Variants in NTRK3 observed in about 807,000 individuals in gnomAD.
The protein encoded by NTRK3 is NT-3 growth factor receptor.
NTRK3 carries 24 observed loss-of-function variants against 91.7 expected under a neutral mutation model. The observed-to-expected ratio is 0.26, with a 90% CI of 0.19 to 0.37. The LOEUF (loss-of-function observed/expected upper bound fraction) is 0.37. NTRK3 is among the 10% of genes least tolerant of loss of function. NTRK3 has a pLI of 1.00. For synonymous variants in NTRK3, 483 were observed against 404.0 expected (o/e 1.20, Z -2.34); for missense variants, 880 against 1,068.9 (o/e 0.82, Z 2.46).
intron 17 of NTRK3, among the ~76,000 whole-genome samples, chr15:87,913,046 G>GTATC (rs2067209131): frequency 6.8e-6 from 1 of 147,492 alleles, no homozygotes; most frequent in South Asian, 2.2e-4. Flanking sequence ...AGGGAAAGCT[G>GTATC]TATCTAGACT....
chr15:88,128,714 A>G, exon 11 of NTRK3: 1 of 1,614,144 alleles, frequency 6.2e-7, no homozygotes, highest in Non-Finnish European at 8.5e-7. Context: ...GACTTACACA[A>G]GATAAAGTTA....
At chr15:88,112,209 G>A (rs1170807741) in intron 13 of NTRK3, among the ~76,000 whole-genome samples, 3 of 152,152 alleles carry the variant, frequency 2.0e-5, no homozygotes, top group African/African-American at 7.2e-5. Flanking sequence ...CTCAGCCTCT[G>A]GTTTCTGTTT....
intron 14 of NTRK3, among the ~76,000 whole-genome samples, chr15:87,963,608 C>T (rs2072509255): frequency 6.6e-6 from 1 of 152,102 alleles, no homozygotes. Context: ...TGATTTTGCC[C>T]AACTGTAGGC....
At chr15:88,062,064 C>T (rs1251454362) in intron 13 of NTRK3, among the ~76,000 whole-genome samples, 4 of 152,128 alleles carry the variant, frequency 2.6e-5, no homozygotes, top group African/African-American at 7.2e-5. Flanking sequence ...ATTTACGTAG[C>T]GCTTACATTG....
At chr15:88,046,606 G>A (rs141924890) in intron 13 of NTRK3, among the ~76,000 whole-genome samples, 3 of 152,184 alleles carry the variant, frequency 2.0e-5, no homozygotes, top group Non-Finnish European at 4.4e-5. Flanking sequence ...CTTCATCCTT[G>A]TCCCACCCCA....
intron 15 of NTRK3, among the ~76,000 whole-genome samples, chr15:87,937,411 A>G (rs2069399985): frequency 6.6e-6 from 1 of 152,232 alleles, no homozygotes; most frequent in African/African-American, 2.4e-5. Flanking sequence ...AGTGGAAGGA[A>G]AAAGCATAAA....
chr15:88,231,101 C>T (rs948718666), intron 3 of NTRK3, among the ~76,000 whole-genome samples: 2 of 152,218 alleles, frequency 1.3e-5, no homozygotes, highest in Non-Finnish European at 2.9e-5. Context: ...ATTCATCTCT[C>T]ATAACCACCA....
chr15:88,127,020 A>C, intron 12 of NTRK3, 142 bp downstream of exon 12: 1 of 766,682 alleles, frequency 1.3e-6, no homozygotes, highest in South Asian at 1.5e-5. Context: ...GAAGGTTTAA[A>C]CTGCCTGAAC....
chr15:88,145,066 AC>A (rs2042760956), intron 6 of NTRK3, among the ~76,000 whole-genome samples: 1 of 151,988 alleles, frequency 6.6e-6, no homozygotes, highest in Admixed American at 6.5e-5. Context: ...GAAATACACA[AC>A]CCATCCCCAC....
At chr15:87,931,018 C>T in intron 16 of NTRK3, 1 of 328,540 alleles carries the variant, frequency 3.0e-6, no homozygotes, top group Non-Finnish European at 6.0e-6. Flanking sequence ...ACTGGCACTG[C>T]CCCTCACCTT....
At chr15:88,022,884 T>C (rs964755722) in intron 14 of NTRK3, among the ~76,000 whole-genome samples, 2 of 152,348 alleles carry the variant, frequency 1.3e-5, no homozygotes, top group Admixed American at 1.3e-4. Context: ...TATGTGATTA[T>C]GGCAGTGAGG....
intron 17 of NTRK3, among the ~76,000 whole-genome samples, chr15:87,902,506 A>G (rs1017105321): frequency 6.6e-6 from 1 of 152,330 alleles, no homozygotes. Context: ...ACAAAGAGAG[A>G]GGCAGAGAAT....
chr15:87,958,214 CAT>C (rs1220598167), intron 14 of NTRK3, among the ~76,000 whole-genome samples: 3 of 152,174 alleles, frequency 2.0e-5, no homozygotes, highest in Non-Finnish European at 1.5e-5. Context: ...AGGGCAGTGG[CAT>C]ATATAGGATG....
chr15:87,869,881 A>T (rs2064777888), exon 19 of NTRK3: 1 of 191,562 alleles, frequency 5.2e-6, no homozygotes, highest in Admixed American at 6.1e-5. Context: ...CATATTACAA[A>T]ATTAGTTTTT....
intron 17 of NTRK3, chr15:87,916,631 A>G (rs1319306012): frequency 4.3e-5 from 30 of 699,350 alleles, no homozygotes. Context: ...GGAGATAACT[A>G]GAAACCACCC....
chr15:88,113,477 G>A (rs1337222624), intron 13 of NTRK3, among the ~76,000 whole-genome samples: 8 of 151,888 alleles, frequency 5.3e-5, no homozygotes, highest in East Asian at 3.9e-4. Context: ...GACCACGCCC[G>A]GCTAATTTTT....
At chr15:87,882,359 A>C (rs2065300372) in intron 17 of NTRK3, among the ~76,000 whole-genome samples, 1 of 152,230 alleles carries the variant, frequency 6.6e-6, no homozygotes, top group African/African-American at 2.4e-5. Flanking sequence ...CATATTCTAG[A>C]AAAACAGTAA....
chr15:87,888,255 G>T (rs766516149), intron 17 of NTRK3, among the ~76,000 whole-genome samples: 2 of 152,122 alleles, frequency 1.3e-5, no homozygotes, highest in African/African-American at 2.4e-5. Flanking sequence ...TATTAAGACC[G>T]TTTCTCAGAA....
intron 5 of NTRK3, among the ~76,000 whole-genome samples, chr15:88,153,651 C>T (rs564084192): frequency 3.5e-4 from 53 of 152,176 alleles, no homozygotes; most frequent in African/African-American, 1.1e-3. Flanking sequence ...GGCTTATAAA[C>T]AATAGGAATT....
Sources: gnomAD v4.1 joint callset for allele counts (sites outside exome capture counted in the v4.1 genomes callset) on GRCh38, gnomAD v4.1.1 for gene constraint, MANE v1.5 for transcripts, NCBI Gene and HGNC (gene_info 2026-07-23, HGNC 2026-07-21) for gene names.